The following NUB1 variants were observed in gnomAD, a reference collection of about 807,000 sequenced individuals.
NUB1 encodes the protein NEDD8 ultimate buster 1.
In NUB1, 41 loss-of-function variants were observed where a neutral mutation model predicts 77.1. The observed-to-expected ratio is 0.53, with a 90% CI of 0.41 to 0.69. NUB1 has a LOEUF of 0.69. Among genes scored for constraint, NUB1 ranks in the 30% least tolerant of loss-of-function variants. The pLI is 0.00. For missense variants in NUB1, 643 were observed against 743.8 expected (o/e 0.86, Z 1.58); for synonymous variants, 257 against 281.0 (o/e 0.91, Z 0.85).
At chr7:151,355,289 C>G (rs919461991) in intron 5 of NUB1, among the ~76,000 whole-genome samples, 2 of 152,188 alleles carry the variant, frequency 1.3e-5, no homozygotes, top group African/African-American at 4.8e-5. Context: ...TTGTCGCTAG[C>G]TGATTTTAAC....
chr7:151,374,441 T>C (rs888576473), intron 12 of NUB1, 198 bp downstream of exon 12: 2 of 704,572 alleles, frequency 2.8e-6, no homozygotes, highest in Admixed American at 4.7e-5. Flanking sequence ...TGCTCAGTGC[T>C]TGGCCCAGGC....
At chr7:151,374,031 C>T (rs1192761849) in intron 11 of NUB1, 66 bp from the exon 12 acceptor site, 30 of 1,479,098 alleles carry the variant, frequency 2.0e-5, no homozygotes, top group African/African-American at 4.3e-5. Flanking sequence ...TCCTGCAGAG[C>T]GCAGACTGAG....
At chr7:151,344,880 A>G (rs537143153) in intron 1 of NUB1, among the ~76,000 whole-genome samples, 36 of 152,224 alleles carry the variant, frequency 2.4e-4, no homozygotes, top group East Asian at 1.6e-3. Context: ...CATGCCTGTA[A>G]TCCCAGTGAG....
chr7:151,350,411 C>T (rs564036595), intron 3 of NUB1, among the ~76,000 whole-genome samples: 26 of 152,158 alleles, frequency 1.7e-4, no homozygotes, highest in Non-Finnish European at 3.5e-4. Context: ...AGACCAAGGT[C>T]TGCTAAGTAA....
intron 1 of NUB1, 159 bp downstream of exon 1, chr7:151,342,005 G>A: frequency 8.0e-7 from 1 of 1,255,260 alleles, no homozygotes; most frequent in Non-Finnish European, 1.0e-6. Flanking sequence ...GGCCGGGGCC[G>A]GGGCCGGGAG....
rs979424089 is a variant in NUB1, at chr7:151,370,049, A to G, written c.1248+1162A>G. ...CAATCGTGGTCCTTTGGGTCTTGCT[A>G]TAGAAGTCAATGAGTAGGTAAAGGC... is the stretch of plus-strand genomic sequence containing the variant. On this transcript the variant is annotated intron_variant, in intron 11 of 14. Transcript: ENST00000568733. Among the ~76,000 whole-genome samples, 15 of 151,842 alleles carry G rather than the reference A, an allele frequency of 9.9e-5. No individual in the cohort carries two copies. The East Asian group carries it at 2.5e-3, about 25-fold the overall frequency.
chr7:151,343,671 C>T (rs1410935108), intron 1 of NUB1, among the ~76,000 whole-genome samples: 2 of 152,142 alleles, frequency 1.3e-5, no homozygotes, highest in Non-Finnish European at 2.9e-5. Flanking sequence ...GATGAGTAGA[C>T]AGCTCCATCG....
At position 151,341,837 on chromosome 7, in the gene NUB1, C is replaced by G. The variant is rs1381927218; in HGVS notation, c.-12C>G. 1 of 1,505,880 alleles carries G rather than the reference C, an allele frequency of 6.6e-7. No homozygotes were observed. Among genetic ancestry groups the G allele is most frequent in the South Asian group, 1.2e-5 (1 of 80,758 alleles). 93.3% of individuals were successfully genotyped at this position (1,505,880 alleles called of 1,614,324 possible). On this transcript the variant is annotated 5_prime_UTR_variant, in exon 1 of 15. Coordinates refer to ENST00000568733, the MANE Select transcript of NUB1 (RefSeq NM_001243351.2). ...ACTCTGCTGGTCGCGGCGGGAGTGG[C>G]GTGGCGCAGGTGAGGACACGGCGGC... is the stretch of plus-strand genomic sequence containing the variant.
At position 151,357,266 on chromosome 7, in the gene NUB1, G is replaced by C. The variant is rs1455728748; in HGVS notation, c.693+1044G>C. ...AGCCTCCTGGGTAGCTGGGATTATA[G>C]GCACGCACCACCATGCCTGGCTAAC... is the stretch of plus-strand genomic sequence containing the variant. On this transcript the variant is annotated intron_variant, in intron 7 of 14. Coordinates refer to ENST00000568733, the MANE Select transcript of NUB1 (RefSeq NM_001243351.2). 4.0e-5 allele frequency among the ~76,000 whole-genome samples: 6 copies of C among 150,858 alleles called. No homozygotes were observed. In the East Asian group the frequency reaches 9.7e-4, roughly 24 times the overall value.
At chr7:151,368,944 T>C in intron 11 of NUB1, 57 bp downstream of exon 11, 1 of 1,522,618 alleles carries the variant, frequency 6.6e-7, no homozygotes, top group Non-Finnish European at 8.8e-7. Flanking sequence ...AAAAAGATAA[T>C]CCCACAGGAG....
At chr7:151,373,468 G>T (rs1270356079) in intron 11 of NUB1, among the ~76,000 whole-genome samples, 1 of 152,224 alleles carries the variant, frequency 6.6e-6, no homozygotes, top group Non-Finnish European at 1.5e-5. Context: ...TGCAGCAATA[G>T]CAGGCAACTC....
intron 1 of NUB1, among the ~76,000 whole-genome samples, chr7:151,343,165 A>G (rs113576934): frequency 0.013 from 1,916 of 152,294 alleles, 21 homozygotes; most frequent in African/African-American, 0.025. Context: ...CTAACGCTCT[A>G]AGTACTAATA....
At chr7:151,343,460 GAAGA>G (rs1479728458) in intron 1 of NUB1, among the ~76,000 whole-genome samples, 1 of 152,200 alleles carries the variant, frequency 6.6e-6, no homozygotes, top group Non-Finnish European at 1.5e-5. Flanking sequence ...GCCCTCAATA[GAAGA>G]AAGAAATTTA....
chr7:151,350,344 CTCCCTTTCCCAG>C (rs1796730131), intron 3 of NUB1, among the ~76,000 whole-genome samples: 1 of 152,224 alleles, frequency 6.6e-6, no homozygotes, highest in Non-Finnish European at 1.5e-5. Flanking sequence ...CAGGGAGAGG[CTCCCTTTCCCAG>C]TCTGCTAAGT....
intron 2 of NUB1, among the ~76,000 whole-genome samples, chr7:151,348,863 C>CCG (rs1339818059): frequency 6.6e-6 from 1 of 152,084 alleles, no homozygotes; most frequent in Non-Finnish European, 1.5e-5. Flanking sequence ...GCATGAGCCA[C>CCG]CGCGCCCAGT....
intron 2 of NUB1, among the ~76,000 whole-genome samples, chr7:151,347,466 CT>C (rs891480621): frequency 2.0e-5 from 3 of 150,886 alleles, no homozygotes; most frequent in African/African-American, 4.9e-5. Flanking sequence ...ATTTTTTTTC[CT>C]TTTTTTTTGA....
At chr7:151,344,096 G>A (rs1297938227) in intron 1 of NUB1, among the ~76,000 whole-genome samples, 6 of 145,286 alleles carry the variant, frequency 4.1e-5, no homozygotes, top group Non-Finnish European at 9.0e-5. Flanking sequence ...CAGGAGAATG[G>A]CGTGAACCCG....
intron 5 of NUB1, among the ~76,000 whole-genome samples, chr7:151,355,204 C>G (rs1797008358): frequency 6.6e-6 from 1 of 152,186 alleles, no homozygotes; most frequent in Admixed American, 6.5e-5. Context: ...AGTAGATTAT[C>G]AAATATCTGT....
chr7:151,363,757 A>G (rs1392373086), intron 8 of NUB1, among the ~76,000 whole-genome samples: 1 of 113,214 alleles, frequency 8.8e-6, no homozygotes, highest in Non-Finnish European at 1.7e-5. Flanking sequence ...TCTTGAAAAA[A>G]GTTAGGTAAG....
Sources: gnomAD v4.1 joint callset for allele counts (sites outside exome capture counted in the v4.1 genomes callset) on GRCh38, gnomAD v4.1.1 for gene constraint, MANE v1.5 for transcripts, NCBI Gene and HGNC (gene_info 2026-07-23, HGNC 2026-07-21) for gene names.